Variants in UGT1A9 observed in about 807,000 individuals in gnomAD.
UGT1A9 encodes the protein UDP glucuronosyltransferase family 1 member A9.
In UGT1A9, 35 loss-of-function variants were observed where a neutral mutation model predicts 45.0. That is an observed-to-expected ratio of 0.78 (90% CI 0.59 to 1.03). UGT1A9 has a LOEUF of 1.03. UGT1A9 is among the 50% of genes least tolerant of loss of function. The pLI is 0.00. For missense variants in UGT1A9, 687 were observed against 666.6 expected, an observed-to-expected ratio of 1.03 and a Z score of -0.34; for synonymous variants, 278 against 250.6, an observed-to-expected ratio of 1.11 and a Z score of -1.03.
At chr2:233,678,683 CA>C (rs1053839810) in intron 1 of UGT1A9, among the ~76,000 whole-genome samples, 3 of 152,058 alleles carry the variant, frequency 2.0e-5, no homozygotes, top group African/African-American at 7.3e-5. Context: ...TGTGTAAGGC[CA>C]ATTTTTTTTC....
chr2:233,695,435 C>CT (rs747907611), intron 1 of UGT1A9, among the ~76,000 whole-genome samples: 38 of 130,502 alleles, frequency 2.9e-4, no homozygotes, highest in Middle Eastern at 4.3e-3. Flanking sequence ...TCTTCTTCTT[C>CT]TTTTTTTTTT....
rs2074209512 is a variant in UGT1A9 at position 233,672,072 on chromosome 2, G to A, written c.138G>A (p.Glu46=). ...GGTTCACCATGAGGTCGGTGGTGGAGAAACTCATTCTCAGGGGGCATGAGG... is the reference window on the plus strand; with the variant it reads ...GGTTCACCATGAGGTCGGTGGTGGAAAAACTCATTCTCAGGGGGCATGAGG... ...SHWFTMRSVV[E]KLILRGHEVV... is the part of the protein sequence containing the mutation. The change falls in exon 1 of 5, where the codon GAG becomes GAA. Residue 46 remains glutamate (E), a synonymous_variant. Transcript: ENST00000354728. 6.2e-7 allele frequency: 1 copy of A among 1,614,146 alleles called. No homozygotes were observed. The highest frequency in any genetic ancestry group is 8.5e-7 in the Non-Finnish European group (1 of 1,180,004).
chr2:233,719,807 T>C, intron 1 of UGT1A9: 1 of 1,593,892 alleles, frequency 6.3e-7, no homozygotes, highest in Non-Finnish European at 8.5e-7. Context: ...TTGGCTTCTT[T>C]ATAACAGATA....
intron 1 of UGT1A9, among the ~76,000 whole-genome samples, chr2:233,687,779 G>A (rs2074862793): frequency 6.6e-6 from 1 of 151,972 alleles, no homozygotes; most frequent in Admixed American, 6.6e-5. Context: ...GGTGGCATAT[G>A]CCTGTGGTCC....
intron 1 of UGT1A9, among the ~76,000 whole-genome samples, chr2:233,694,879 G>T (rs1427044787): frequency 6.6e-6 from 1 of 152,168 alleles, no homozygotes; most frequent in Non-Finnish European, 1.5e-5. Context: ...GTACACATTT[G>T]GGGGGTTCAT....
intron 1 of UGT1A9, among the ~76,000 whole-genome samples, chr2:233,727,024 C>T (rs1363887346): frequency 2.6e-5 from 4 of 152,054 alleles, no homozygotes; most frequent in African/African-American, 7.2e-5. Flanking sequence ...TGTTTTTGTA[C>T]CCTAAGGAAT....
At chr2:233,690,852 CCTT>C in intron 1 of UGT1A9, 1 of 1,064,850 alleles carries the variant, frequency 9.4e-7, no homozygotes. Context: ...TTTTCTAATA[CCTT>C]CTTAATTTGC....
intron 1 of UGT1A9, among the ~76,000 whole-genome samples, chr2:233,765,401 A>G (rs1024843153): frequency 3.9e-5 from 6 of 152,246 alleles, no homozygotes; most frequent in African/African-American, 1.4e-4. Flanking sequence ...TGTGGTACAT[A>G]TACACCATGG....
At chr2:233,736,278 A>G (rs1329214759) in intron 1 of UGT1A9, among the ~76,000 whole-genome samples, 1 of 152,040 alleles carries the variant, frequency 6.6e-6, no homozygotes, top group African/African-American at 2.4e-5. Flanking sequence ...AGTCACTGAT[A>G]CCCTTTCTTC....
At position 233,712,021 on chromosome 2, in the gene UGT1A9, C is replaced by G. The variant is rs28898597; in HGVS notation, c.855+39232C>G. ...TCTGGAGGAACCATTCTTATCAGAA[C>G]TTGGTGCTGGATTGACTTGGAAAAA... On this transcript the variant is annotated intron_variant, in intron 1 of 4. Coordinates refer to ENST00000354728, the MANE Select transcript of UGT1A9 (RefSeq NM_021027.3). Among the ~76,000 whole-genome samples, 636 of 152,326 alleles carry G rather than the reference C, an allele frequency of 4.2e-3. 8 individuals carry two copies. Among genetic ancestry groups the G allele is most frequent in the African/African-American group, 0.015 (604 of 41,568 alleles).
At position 233,766,963 on chromosome 2, in the gene UGT1A9, C is replaced by T. The variant is rs1348072770; in HGVS notation, c.856-71C>T. On this transcript the variant is annotated intron_variant, in intron 1 of 4. Transcript: ENST00000354728. ...AGTCTTAAGAGGAAGATATCTAATT[C>T]ATAACTTACTGTATGTAGTCATCAA... is the stretch of plus-strand genomic sequence containing the variant. 3.4e-5 allele frequency: 54 copies of T among 1,607,648 alleles called. No individual in the cohort carries two copies. In the South Asian group the frequency reaches 3.5e-4, roughly 10 times the overall value.
At chr2:233,757,238 G>A (rs191269433) in intron 1 of UGT1A9, among the ~76,000 whole-genome samples, 1 of 149,106 alleles carries the variant, frequency 6.7e-6, no homozygotes, top group Non-Finnish European at 1.5e-5. Context: ...AGAAGTGGTG[G>A]TGAGGTGGGG....
intron 1 of UGT1A9, among the ~76,000 whole-genome samples, chr2:233,680,498 G>T (rs565945419): frequency 6.6e-6 from 1 of 152,146 alleles, no homozygotes. Flanking sequence ...ACCATCTTGT[G>T]CTTCTACAAG....
chr2:233,723,412 A>G, intron 1 of UGT1A9, among the ~76,000 whole-genome samples: 1 of 132,624 alleles, frequency 7.5e-6, no homozygotes, highest in African/African-American at 3.1e-5. Flanking sequence ...GTTTCACCAT[A>G]CTGGTCAGGC....
Position 233,754,896 on chromosome 2 carries a change from C to T in UGT1A9, c.856-12138C>T, listed in dbSNP as rs755836502. 29 of 1,350,518 alleles carry T rather than the reference C, an allele frequency of 2.1e-5. No homozygotes were observed. The African/African-American group carries it at 3.1e-4, about 15-fold the overall frequency. The allele number at this position is 1,350,518 out of a possible 1,614,324, so 83.7% of individuals were successfully genotyped here. A position where few individuals can be genotyped will look rare whatever the true frequency, so the allele number is the denominator to read the frequency against. On this transcript the variant is annotated intron_variant, in intron 1 of 4. Transcript: ENST00000354728. ...TCTGCTTCCCAGGGAGTTCCTCTGA[C>T]CCCCCAAAATATTCTCCAGCGGGTT...
At chr2:233,719,976 C>T (rs771566532) in intron 1 of UGT1A9, among the ~76,000 whole-genome samples, 2 of 152,122 alleles carry the variant, frequency 1.3e-5, no homozygotes, top group African/African-American at 2.4e-5. Flanking sequence ...TCCTTCAGCT[C>T]GGCAGGATCA....
chr2:233,693,588 G>T, intron 1 of UGT1A9: 1 of 1,614,206 alleles, frequency 6.2e-7, no homozygotes, highest in Non-Finnish European at 8.5e-7. Context: ...ATTCCCAGGT[G>T]CTACACAAAG....
chr2:233,729,959 G>A (rs1416622482), intron 1 of UGT1A9: 13 of 1,613,900 alleles, frequency 8.1e-6, no homozygotes, highest in East Asian at 2.2e-5. Flanking sequence ...TTCATTGGGG[G>A]CATCAACTGT....
At chr2:233,770,346 C>T (rs1357381259) in intron 4 of UGT1A9, 2 of 152,134 alleles carry the variant, frequency 1.3e-5, no homozygotes, top group African/African-American at 4.8e-5. Flanking sequence ...TGCTCAATTA[C>T]TATTGAATGA....
Sources: gnomAD v4.1 joint callset for allele counts (sites outside exome capture counted in the v4.1 genomes callset) on GRCh38, gnomAD v4.1.1 for gene constraint, MANE v1.5 for transcripts, NCBI Gene and HGNC (gene_info 2026-07-23, HGNC 2026-07-21) for gene names.